UBXN7: variants seen among roughly 807,000 people sequenced by gnomAD.
The protein encoded by UBXN7 is UBX domain-containing protein 7.
A neutral mutation model predicts 58.0 loss-of-function variants in UBXN7; 9 were observed. That is an observed-to-expected ratio of 0.16 (90% CI 0.09 to 0.27). The LOEUF is 0.27. UBXN7 is among the 10% of genes least tolerant of loss of function. The pLI is 1.00. For synonymous variants in UBXN7, 208 were observed against 205.0 expected (o/e 1.01, Z -0.12); for missense variants, 328 against 599.6 (o/e 0.55, Z 4.73).
At chr3:196,378,632 T>TA (rs1484855895) in intron 5 of UBXN7, among the ~76,000 whole-genome samples, 1 of 152,226 alleles carries the variant, frequency 6.6e-6, no homozygotes, top group Non-Finnish European at 1.5e-5. Flanking sequence ...TCCTCCTTTT[T>TA]AGACGATACA....
At position 196,355,910 on chromosome 3, in the gene UBXN7, TC is replaced by T. The variant is rs1728332553; in HGVS notation, c.*774del. 6.6e-6 allele frequency: 1 copy of T among 152,268 alleles called. No individual in the cohort carries two copies. The highest frequency in any genetic ancestry group is 6.5e-5 in the Admixed American group (1 of 15,278). The allele number at this position is 152,268 out of a possible 1,614,324, so 9.4% of individuals were successfully genotyped here. A position where few individuals can be genotyped will look rare whatever the true frequency, so the allele number is the denominator to read the frequency against. ...TCCTATCCCAGTCACCACGATAGGT[TC>T]ACTTCATGTCCATTCTTGGACTAGC... On this transcript the variant is annotated 3_prime_UTR_variant, in exon 11 of 11. Transcript: ENST00000296328.
At chr3:196,428,073 G>A (rs1416411259) in intron 1 of UBXN7, among the ~76,000 whole-genome samples, 3 of 152,092 alleles carry the variant, frequency 2.0e-5, no homozygotes, top group Admixed American at 6.6e-5. Context: ...GCAGTGAGCC[G>A]AAATCATGCC....
intron 3 of UBXN7, among the ~76,000 whole-genome samples, chr3:196,396,571 G>C (rs1729780634): frequency 1.3e-5 from 2 of 151,966 alleles, no homozygotes; most frequent in Admixed American, 6.6e-5. Context: ...GACCATACTG[G>C]CTAACACGGT....
At position 196,362,579 on chromosome 3, in the gene UBXN7, C is replaced by T. The variant is rs773780350; in HGVS notation, c.943G>A (p.Asp315Asn). 1 of 1,614,220 alleles carries T rather than the reference C, an allele frequency of 6.2e-7. No individual in the cohort carries two copies. The highest frequency in any genetic ancestry group is 8.5e-7 in the Non-Finnish European group (1 of 1,180,040). ...STQTKQDSRSDEESESELFSG... is the reference protein window; with the variant it reads ...STQTKQDSRSNEESESELFSG... ...AAAAGTTCAGATTCAGATTCTTCATCTGAGCGGCTATCCTGTTTTGTCTGT... is the reference window on the plus strand; with the variant it reads ...AAAAGTTCAGATTCAGATTCTTCATTTGAGCGGCTATCCTGTTTTGTCTGT... The change falls in exon 9 of 11, where the codon GAT becomes AAT. Residue 315 changes from aspartate to asparagine, a missense_variant. Asp to Asn is a conservative substitution (Grantham distance 23). Transcript: ENST00000296328.
At chr3:196,416,791 A>G (rs1026429493) in intron 1 of UBXN7, among the ~76,000 whole-genome samples, 2 of 152,264 alleles carry the variant, frequency 1.3e-5, no homozygotes, top group Non-Finnish European at 2.9e-5. Flanking sequence ...ATTTCATAAC[A>G]TAAATTAATT....
chr3:196,382,215 G>C (rs1729229426), intron 5 of UBXN7, among the ~76,000 whole-genome samples: 1 of 152,156 alleles, frequency 6.6e-6, no homozygotes, highest in African/African-American at 2.4e-5. Context: ...GAAATGAAGG[G>C]AAAAGTGTTA....
chr3:196,418,918 C>T (rs1400115028), intron 1 of UBXN7, among the ~76,000 whole-genome samples: 5 of 152,126 alleles, frequency 3.3e-5, no homozygotes, highest in South Asian at 4.1e-4. Context: ...TCATTTAATG[C>T]GAGAACCTAA....
intron 5 of UBXN7, among the ~76,000 whole-genome samples, chr3:196,384,013 T>C (rs1375947740): frequency 2.0e-5 from 3 of 152,270 alleles, no homozygotes; most frequent in East Asian, 3.9e-4. Context: ...ATCCAAGAGC[T>C]GGTTTTTTGA....
At chr3:196,417,051 C>G (rs186506210) in intron 1 of UBXN7, among the ~76,000 whole-genome samples, 29 of 152,312 alleles carry the variant, frequency 1.9e-4, no homozygotes, top group Admixed American at 1.9e-3. Context: ...CGGCGGCTCA[C>G]GCCTGTAATC....
intron 3 of UBXN7, chr3:196,400,669 G>GT (rs1334125617): frequency 6.6e-6 from 2 of 303,590 alleles, no homozygotes; most frequent in African/African-American, 2.3e-5. Context: ...GAGCCCAGGA[G>GT]TTTGAGACTG....
At chr3:196,371,122 C>A (rs1728820677) in intron 6 of UBXN7, among the ~76,000 whole-genome samples, 1 of 152,188 alleles carries the variant, frequency 6.6e-6, no homozygotes, top group African/African-American at 2.4e-5. Context: ...AAGTATCAAA[C>A]TCAAGCTAAA....
At chr3:196,419,757 C>T (rs1437289308) in intron 1 of UBXN7, among the ~76,000 whole-genome samples, 1 of 152,128 alleles carries the variant, frequency 6.6e-6, no homozygotes, top group Non-Finnish European at 1.5e-5. Flanking sequence ...GACTGAAAAA[C>T]GTCCTCCAAA....
chr3:196,368,529 C>G (rs1427782934), intron 7 of UBXN7, among the ~76,000 whole-genome samples: 2 of 152,156 alleles, frequency 1.3e-5, no homozygotes, highest in Non-Finnish European at 2.9e-5. Context: ...TCAGCACATG[C>G]ATAAAGTGTA....
At chr3:196,370,251 T>A (rs1298499902) in intron 6 of UBXN7, among the ~76,000 whole-genome samples, 1 of 150,518 alleles carries the variant, frequency 6.6e-6, no homozygotes, top group Non-Finnish European at 1.5e-5. Context: ...AGCCTGGGCA[T>A]CTCCACGAGA....
At chr3:196,397,265 C>CAGGAAA (rs1464535401) in intron 3 of UBXN7, among the ~76,000 whole-genome samples, 1 of 152,126 alleles carries the variant, frequency 6.6e-6, no homozygotes, top group East Asian at 1.9e-4. Context: ...AATTCAGGAG[C>CAGGAAA]TTCAAAGTCA....
chr3:196,417,071 TG>T (rs920784406), intron 1 of UBXN7, among the ~76,000 whole-genome samples: 1 of 152,112 alleles, frequency 6.6e-6, no homozygotes, highest in East Asian at 1.9e-4. Context: ...CCCAGAACTT[TG>T]GGGGGCCGAG....
intron 8 of UBXN7, among the ~76,000 whole-genome samples, chr3:196,367,527 G>C (rs1226292156): frequency 6.6e-6 from 1 of 152,066 alleles, no homozygotes; most frequent in Non-Finnish European, 1.5e-5. Context: ...CTAGCTATTC[G>C]GGCAGTTGAG....
chr3:196,396,020 C>T lies in UBXN7; in HGVS notation c.290-2401G>A, dbSNP rs1216911061. 2.0e-5 allele frequency among the ~76,000 whole-genome samples: 3 copies of T among 152,118 alleles called. No homozygotes were observed. The East Asian group carries it at 5.8e-4, about 29-fold the overall frequency. ...ACCTCAAGTGATCCACCCGCCTCGG[C>T]TACCAAAAGTGCTGGAATTACAGGA... On this transcript the variant is annotated intron_variant, in intron 3 of 10. Coordinates refer to ENST00000296328, the MANE Select transcript of UBXN7 (RefSeq NM_015562.2).
chr3:196,371,790 C>T (rs1282357706), intron 6 of UBXN7, 106 bp downstream of exon 6: 1 of 1,432,926 alleles, frequency 7.0e-7, no homozygotes, highest in Non-Finnish European at 9.3e-7. Context: ...GCCGGCTTTA[C>T]CTTTTTTTAA....
Sources: allele counts gnomAD v4.1 joint callset (sites outside exome capture counted in the v4.1 genomes callset), GRCh38; gene constraint gnomAD v4.1.1; transcripts MANE v1.5; gene names NCBI Gene and HGNC (gene_info 2026-07-23, HGNC 2026-07-21).